Variants in SLC22A24 observed in about 807,000 individuals in gnomAD.
SLC22A24 encodes the protein solute carrier family 22 member 24.
A neutral mutation model predicts 49.8 loss-of-function variants in SLC22A24; 53 were observed. That is an observed-to-expected ratio of 1.06 (90% CI 0.85 to 1.34). SLC22A24 has a LOEUF of 1.34. Among genes scored for constraint, SLC22A24 ranks in the 40% most tolerant of loss-of-function variants. SLC22A24 has a pLI of 0.00. For synonymous variants in SLC22A24, 302 were observed against 256.4 expected, an observed-to-expected ratio of 1.18 and a Z score of -1.70; for missense variants, 786 against 675.9, an observed-to-expected ratio of 1.16 and a Z score of -1.81.
At chr11:63,100,120 A>G (rs1258876078) in intron 5 of SLC22A24, among the ~76,000 whole-genome samples, 2 of 152,184 alleles carry the variant, frequency 1.3e-5, no homozygotes, top group African/African-American at 4.8e-5. Flanking sequence ...CAAATTGGAA[A>G]GGAAGAAGTT....
intron 7 of SLC22A24, among the ~76,000 whole-genome samples, chr11:63,082,272 A>G (rs10897342): frequency 0.27 from 41,673 of 152,106 alleles, 6,064 homozygotes; most frequent in East Asian, 0.37. Context: ...AAAACCTAAC[A>G]TTATAAAACC....
chr11:63,083,186 T>C (rs777321585), intron 7 of SLC22A24, 57 bp downstream of exon 7: 21 of 1,398,696 alleles, frequency 1.5e-5, no homozygotes, highest in Admixed American at 2.0e-5. Flanking sequence ...AAGACCAATG[T>C]AATCCCTGGA....
intron 6 of SLC22A24, among the ~76,000 whole-genome samples, chr11:63,088,671 G>A (rs2087001488): frequency 6.6e-6 from 1 of 152,090 alleles, no homozygotes; most frequent in African/African-American, 2.4e-5. Context: ...AGGAAGATAA[G>A]AACCTTGATA....
intron 4 of SLC22A24, among the ~76,000 whole-genome samples, chr11:63,112,544 G>T (rs1229560416): frequency 1.3e-5 from 2 of 152,018 alleles, no homozygotes; most frequent in Non-Finnish European, 1.5e-5. Flanking sequence ...TATGAATTTT[G>T]TTGATTGTTT....
intron 7 of SLC22A24, among the ~76,000 whole-genome samples, chr11:63,082,281 C>A (rs2086964580): frequency 1.3e-5 from 2 of 152,156 alleles, no homozygotes; most frequent in Non-Finnish European, 2.9e-5. Context: ...CATTATAAAA[C>A]CTAACTCCTA....
chr11:63,099,566 A>G (rs917413992), intron 5 of SLC22A24, among the ~76,000 whole-genome samples: 1 of 151,388 alleles, frequency 6.6e-6, no homozygotes, highest in Non-Finnish European at 1.5e-5. Context: ...ATACTTTCAA[A>G]CCCATTCTGT....
At chr11:63,116,077 T>C in intron 4 of SLC22A24, 2 of 363,866 alleles carry the variant, frequency 5.5e-6, no homozygotes. Context: ...TTGCTGACAC[T>C]CTTTGGGATC....
In SLC22A24 at chr11:63,134,689, A is replaced by G; in HGVS notation, c.482T>C (p.Leu161Pro). Residue 161 changes from leucine to proline, a missense_variant, in exon 2 of 10, where the codon CTA (leucine) becomes CCA (proline). Transcript: ENST00000612278. ...LFMAGSLLGG[L>P]IYGHLSDRVG... ...CCTGTCTGAAAGATGGCCATATATT[A>G]GACCTCCCAGAAGTGACCCAGCCAT... 2 of 1,551,890 alleles carry G rather than the reference A, an allele frequency of 1.3e-6. No homozygotes were observed. Among genetic ancestry groups the G allele is most frequent in the Non-Finnish European group, 1.7e-6 (2 of 1,145,738 alleles).
intron 6 of SLC22A24, among the ~76,000 whole-genome samples, chr11:63,084,509 A>C (rs2086976674): frequency 6.6e-6 from 1 of 152,180 alleles, no homozygotes; most frequent in Admixed American, 6.5e-5. Context: ...AAATGTATGC[A>C]GGAGCCAGAG....
intron 2 of SLC22A24, among the ~76,000 whole-genome samples, chr11:63,121,708 T>C (rs1419006607): frequency 1.3e-5 from 2 of 152,108 alleles, no homozygotes; most frequent in Non-Finnish European, 2.9e-5. Flanking sequence ...TACATATGTA[T>C]ACACGTGCCA....
intron 6 of SLC22A24, among the ~76,000 whole-genome samples, chr11:63,086,206 A>G (rs2086986100): frequency 6.6e-6 from 1 of 152,222 alleles, no homozygotes; most frequent in Non-Finnish European, 1.5e-5. Flanking sequence ...AAAGGAATAT[A>G]AATCATTCTA....
intron 4 of SLC22A24, among the ~76,000 whole-genome samples, chr11:63,117,716 C>T (rs563283654): frequency 1.6e-4 from 24 of 152,280 alleles, no homozygotes; most frequent in African/African-American, 4.6e-4. Flanking sequence ...TTTTCTCTAG[C>T]TTACTTTACC....
At position 63,122,571 on chromosome 11, in the gene SLC22A24, G is replaced by A. The variant is rs543991503; in HGVS notation, c.507-3236C>T. 4.6e-5 allele frequency among the ~76,000 whole-genome samples: 7 copies of A among 152,266 alleles called. 1 individual carries two copies. On this transcript the variant is annotated intron_variant, in intron 2 of 9. Transcript: ENST00000612278. ...TGCTCTGCCACCAGGCTGGAGTGCG[G>A]TGGTGCCATCTCGGCTCACTGCAAC... is the stretch of plus-strand genomic sequence containing the variant.
At chr11:63,090,706 A>G (rs1053862757) in intron 6 of SLC22A24, among the ~76,000 whole-genome samples, 1 of 118,214 alleles carries the variant, frequency 8.5e-6, no homozygotes, top group African/African-American at 3.0e-5. Flanking sequence ...CTATCTTAAA[A>G]AAAAAAGAAG....
chr11:63,098,522 G>T (rs1331407131), intron 5 of SLC22A24, among the ~76,000 whole-genome samples: 1 of 152,016 alleles, frequency 6.6e-6, no homozygotes, highest in Non-Finnish European at 1.5e-5. Flanking sequence ...GCAAAAATTA[G>T]CCAGGCATGG....
intron 2 of SLC22A24, among the ~76,000 whole-genome samples, chr11:63,133,144 T>A (rs888107987): frequency 6.6e-6 from 1 of 152,094 alleles, no homozygotes; most frequent in Non-Finnish European, 1.5e-5. Context: ...AATCTCCTGA[T>A]CTGCAGGTTG....
In SLC22A24 at chr11:63,096,012, A is replaced by G; in HGVS notation, c.1049T>C (p.Val350Ala). The G allele has an allele frequency of 6.5e-7, 1 of 1,550,132 alleles. No individual in the cohort carries two copies. The highest frequency in any genetic ancestry group is 1.2e-5 in the South Asian group (1 of 83,998). The change falls in exon 6 of 10, where the codon GTC becomes GCC. Residue 350 changes from valine (V) to alanine (A), a missense_variant. Physicochemically the swap from Val to Ala is moderately conservative, Grantham distance 64. Transcript: ENST00000612278. ...LFRAPKLRMR[V>A]FGLCFVRFAI... Reference sequence around the variant, plus strand: ...TTACCTCACAAAGCACAGGCCGAAGACTCTCATTCGCAATTTGGGTGCACG... The same window carrying G: ...TTACCTCACAAAGCACAGGCCGAAGGCTCTCATTCGCAATTTGGGTGCACG...
At chr11:63,127,400 C>A (rs2087299361) in intron 2 of SLC22A24, among the ~76,000 whole-genome samples, 1 of 152,126 alleles carries the variant, frequency 6.6e-6, no homozygotes, top group South Asian at 2.1e-4. Flanking sequence ...TGGGTTGGTT[C>A]CAAGTCTTTG....
At chr11:63,123,256 A>G (rs1438725415) in intron 2 of SLC22A24, among the ~76,000 whole-genome samples, 1 of 152,172 alleles carries the variant, frequency 6.6e-6, no homozygotes, top group Non-Finnish European at 1.5e-5. Flanking sequence ...TGAAACCTGA[A>G]AAAGAAAGAA....
Sources: gnomAD v4.1 joint callset for allele counts (sites outside exome capture counted in the v4.1 genomes callset) on GRCh38, gnomAD v4.1.1 for gene constraint, MANE v1.5 for transcripts, NCBI Gene and HGNC (gene_info 2026-07-23, HGNC 2026-07-21) for gene names.